RTL4: variants seen among roughly 807,000 people sequenced by gnomAD.
The protein encoded by RTL4 is retrotransposon Gag like 4.
In RTL4, 4 loss-of-function variants were observed where a neutral mutation model predicts 5.3. That is an observed-to-expected ratio of 0.75 (90% CI 0.37 to 1.72). The LOEUF (loss-of-function observed/expected upper bound fraction) is 1.72, where lower values mean the gene tolerates loss of function less well. Among genes scored for constraint, RTL4 ranks in the 40% most tolerant of loss-of-function variants. The probability of loss-of-function intolerance (pLI) is 0.04; values close to 1 mark genes in which losing one functional copy is unlikely to be tolerated. For missense variants in RTL4, 260 were observed against 227.1 expected, an observed-to-expected ratio of 1.14 and a Z score of -0.93; for synonymous variants, 98 against 87.3, an observed-to-expected ratio of 1.12 and a Z score of -0.68.
the RTL4 span, among the ~76,000 whole-genome samples, chrX:112,205,716 C>T: frequency 9.0e-6 from 1 of 111,561 alleles, no homozygotes; most frequent in Non-Finnish European, 1.9e-5. Context: ...TTGGATTGGC[C>T]AGTAATGAGT....
the RTL4 span, among the ~76,000 whole-genome samples, chrX:112,402,849 C>T: frequency 9.0e-6 from 1 of 111,155 alleles, no homozygotes; most frequent in South Asian, 3.8e-4. Context: ...AAGAACCAGA[C>T]AGCTTTAAGG....
chrX:112,327,216 G>A, the RTL4 span, among the ~76,000 whole-genome samples: 4 of 111,760 alleles, frequency 3.6e-5, no homozygotes, highest in Admixed American at 3.8e-4. Flanking sequence ...CCGAGCTATG[G>A]GAGGACATTC....
exon 1 of RTL4, chrX:112,456,054 T>G: frequency 1.7e-5 from 5 of 286,258 alleles, no homozygotes; most frequent in Non-Finnish European, 3.2e-5. Flanking sequence ...TGCCTAGAAA[T>G]GAGCCCAAGA....
the RTL4 span, among the ~76,000 whole-genome samples, chrX:112,417,625 C>A: frequency 9.0e-6 from 1 of 111,160 alleles, no homozygotes; most frequent in Admixed American, 9.6e-5. Flanking sequence ...GTTGCAGGGG[C>A]TCCCTCTCAA....
the RTL4 span, among the ~76,000 whole-genome samples, chrX:112,424,180 C>G: frequency 8.9e-6 from 1 of 111,802 alleles, no homozygotes; most frequent in Non-Finnish European, 1.9e-5. Context: ...AATTCAAATA[C>G]AGTTATAACA....
At chrX:112,178,342 A>G in the RTL4 span, among the ~76,000 whole-genome samples, 11 of 110,245 alleles carry the variant, frequency 1.0e-4, no homozygotes, top group Non-Finnish European at 1.5e-4. Flanking sequence ...CCAAAAAGCT[A>G]TCTCTTAGAT....
chrX:112,457,311 G>A (rs372747635), downstream of RTL4, among the ~76,000 whole-genome samples: 31 of 111,819 alleles, frequency 2.8e-4, no homozygotes, highest in Middle Eastern at 4.6e-3. Flanking sequence ...ACAACGGCTC[G>A]CTGCACAACC....
At chrX:112,257,416 T>A in the RTL4 span, among the ~76,000 whole-genome samples, 1 of 111,537 alleles carries the variant, frequency 9.0e-6, no homozygotes, top group Non-Finnish European at 1.9e-5. Context: ...AGTAGTTCAT[T>A]TTACTTATGT....
the RTL4 span, among the ~76,000 whole-genome samples, chrX:112,275,920 G>A: frequency 4.5e-5 from 5 of 112,104 alleles, no homozygotes; most frequent in Non-Finnish European, 7.5e-5. Context: ...GTGTGACAGA[G>A]CAAGACTCCA....
At chrX:112,323,704 G>A in the RTL4 span, among the ~76,000 whole-genome samples, 1 of 110,621 alleles carries the variant, frequency 9.0e-6, no homozygotes, top group South Asian at 3.8e-4. Context: ...TTCCCTGCCT[G>A]GTTTTGAACT....
At chrX:112,161,836 C>CTTTTCTTT in the RTL4 span, among the ~76,000 whole-genome samples, 1 of 35,233 alleles carries the variant, frequency 2.8e-5, no homozygotes, top group African/African-American at 1.3e-4. Flanking sequence ...TTCCTTCCTT[C>CTTTTCTTT]CTTCCTTCCT....
At chrX:112,103,221 T>C in the RTL4 span, among the ~76,000 whole-genome samples, 2 of 111,260 alleles carry the variant, frequency 1.8e-5, no homozygotes, top group African/African-American at 6.5e-5. Context: ...AAAAAATGTG[T>C]TACATATACT....
the RTL4 span, among the ~76,000 whole-genome samples, chrX:112,329,347 A>C: frequency 8.0e-5 from 9 of 111,808 alleles, no homozygotes; most frequent in Non-Finnish European, 1.7e-4. Flanking sequence ...ATCCCACAGA[A>C]ATACAAACTA....
the RTL4 span, among the ~76,000 whole-genome samples, chrX:112,169,026 C>CTCTTTCTTTCTTTCTTTCTT: frequency 9.2e-4 from 45 of 49,051 alleles, 1 homozygote; most frequent in African/African-American, 3.1e-3. Context: ...CTTTCTCTTT[C>CTCTTTCTTTCTTTCTTTCTT]TCTTTCTTTC....
the RTL4 span, among the ~76,000 whole-genome samples, chrX:112,283,978 G>A: frequency 2.3e-4 from 25 of 109,606 alleles, no homozygotes; most frequent in African/African-American, 7.9e-4. Flanking sequence ...GTGAAATAAT[G>A]CCATATTTTG....
At chrX:112,420,656 A>G in the RTL4 span, among the ~76,000 whole-genome samples, 743 of 112,143 alleles carry the variant, frequency 6.6e-3, 8 homozygotes, top group African/African-American at 0.023. Context: ...TACTTAAAGC[A>G]GGTAGCACAT....
the RTL4 span, among the ~76,000 whole-genome samples, chrX:112,410,819 A>G: frequency 1.2e-4 from 14 of 112,006 alleles, no homozygotes; most frequent in Admixed American, 1.2e-3. Flanking sequence ...GATGTATCTT[A>G]AAGAATGAGA....
chrX:112,436,230 A>C, the RTL4 span, among the ~76,000 whole-genome samples: 5 of 110,945 alleles, frequency 4.5e-5, no homozygotes, highest in Non-Finnish European at 9.4e-5. Flanking sequence ...ACAAAACAAA[A>C]AAAAAAAACT....
the RTL4 span, among the ~76,000 whole-genome samples, chrX:112,284,816 T>G: frequency 8.9e-6 from 1 of 111,755 alleles, no homozygotes; most frequent in South Asian, 3.7e-4. Flanking sequence ...ATCAATTTAG[T>G]ATGTTTCAAT....
Sources: gnomAD v4.1 joint callset for allele counts (sites outside exome capture counted in the v4.1 genomes callset) on GRCh38, gnomAD v4.1.1 for gene constraint, MANE v1.5 for transcripts, NCBI Gene and HGNC (gene_info 2026-07-23, HGNC 2026-07-21) for gene names.